GAS2: variants seen among roughly 807,000 people sequenced by gnomAD.
GAS2 encodes growth arrest-specific protein 2.
A neutral mutation model predicts 37.5 loss-of-function variants in GAS2; 20 were observed. The ratio of observed to expected loss-of-function variants is 0.53; its 90% CI spans 0.37 to 0.77. The LOEUF is 0.77. Among genes scored for constraint, GAS2 ranks in the 30% least tolerant of loss-of-function variants. The probability of loss-of-function intolerance (pLI) is 0.00; values close to 1 mark genes in which losing one functional copy is unlikely to be tolerated. For missense variants in GAS2, 336 were observed against 373.4 expected, an observed-to-expected ratio of 0.90 and a Z score of 0.82; for synonymous variants, 144 against 132.2, an observed-to-expected ratio of 1.09 and a Z score of -0.61.
At chr11:22,774,166 G>T (rs1855134742) in intron 7 of GAS2, among the ~76,000 whole-genome samples, 1 of 152,024 alleles carries the variant, frequency 6.6e-6, no homozygotes, top group South Asian at 2.1e-4. Context: ...GCTAATTTTT[G>T]TATTTTTAGT....
chr11:22,768,510 A>T (rs776310760), intron 7 of GAS2, among the ~76,000 whole-genome samples: 3 of 152,194 alleles, frequency 2.0e-5, no homozygotes, highest in Non-Finnish European at 2.9e-5. Flanking sequence ...AATTATGGAA[A>T]ACTGCCTTCT....
intron 2 of GAS2, 63 bp from the exon 3 acceptor site, chr11:22,685,605 T>A: frequency 6.5e-7 from 1 of 1,544,526 alleles, no homozygotes. Flanking sequence ...GTGTCAAATA[T>A]TTTATTTAGT....
intron 4 of GAS2, among the ~76,000 whole-genome samples, chr11:22,733,648 C>T (rs1370251463): frequency 6.6e-6 from 1 of 151,634 alleles, no homozygotes; most frequent in Non-Finnish European, 1.5e-5. Flanking sequence ...TTCCATTTGA[C>T]ATTTGATGCC....
At chr11:22,659,371 T>C (rs12294073) in intron 1 of GAS2, among the ~76,000 whole-genome samples, 36,723 of 152,104 alleles carry the variant, frequency 0.24, 5,842 homozygotes, top group African/African-American at 0.44. Context: ...GCACTTTCAG[T>C]CTCCTGGCTA....
intron 7 of GAS2, among the ~76,000 whole-genome samples, chr11:22,789,548 A>G (rs1421482152): frequency 1.5e-5 from 2 of 130,040 alleles, no homozygotes; most frequent in South Asian, 2.5e-4. Flanking sequence ...TGCAAGCTCC[A>G]CCTACCGGGT....
At position 22,812,200 on chromosome 11, in the gene GAS2, A is replaced by G; in HGVS notation, c.*184A>G. The stretch of plus-strand genomic sequence containing the variant: ...TTAATGCTTCTGTAGAATATGACCT[A>G]TTAAAAGAAAATCTAAACTCAAATT... On this transcript the variant is annotated 3_prime_UTR_variant, in exon 8 of 8. Transcript: ENST00000454584. 2 of 534,120 alleles carry G rather than the reference A, an allele frequency of 3.7e-6. No homozygotes were observed. Among genetic ancestry groups the G allele is most frequent in the Admixed American group, 3.5e-5 (1 of 28,522 alleles). The allele number at this position is 534,120 out of a possible 1,614,324, so 33.1% of individuals were successfully genotyped here. A position where few individuals can be genotyped will look rare whatever the true frequency, so the allele number is the denominator to read the frequency against.
chr11:22,693,858 G>A lies in GAS2; in HGVS notation c.267+8069G>A, dbSNP rs149712310. Among the ~76,000 whole-genome samples the A allele has an allele frequency of 4.3e-3, 650 of 152,206 alleles. 4 individuals carry two copies. Among genetic ancestry groups the A allele is most frequent in the Non-Finnish European group, 4.2e-3 (289 of 68,002 alleles). On this transcript the variant is annotated intron_variant, in intron 3 of 7. Coordinates refer to ENST00000454584, the MANE Select transcript of GAS2 (RefSeq NM_001143830.3). The stretch of plus-strand genomic sequence containing the variant: ...TCAGTGAGCTCTGGGTCTATAATTT[G>A]GCTCTAGTCTGGGAATTGGGCAATC...
chr11:22,715,849 C>A (rs1565105438), intron 3 of GAS2, among the ~76,000 whole-genome samples: 1 of 151,878 alleles, frequency 6.6e-6, no homozygotes, highest in Non-Finnish European at 1.5e-5. Context: ...TTCTATTAAT[C>A]AAGTATTACC....
chr11:22,788,083 C>T (rs572243327), intron 7 of GAS2, among the ~76,000 whole-genome samples: 1 of 152,214 alleles, frequency 6.6e-6, no homozygotes, highest in South Asian at 2.1e-4. Flanking sequence ...AGATATGCTG[C>T]TCTGCAAGTA....
intron 1 of GAS2, among the ~76,000 whole-genome samples, chr11:22,633,035 C>T (rs1173461274): frequency 6.6e-6 from 1 of 151,842 alleles, no homozygotes; most frequent in Non-Finnish European, 1.5e-5. Context: ...AATAATCAAC[C>T]TCTTGAACTC....
intron 3 of GAS2, among the ~76,000 whole-genome samples, chr11:22,699,393 A>C (rs1214422222): frequency 2.6e-5 from 4 of 152,128 alleles, no homozygotes; most frequent in Non-Finnish European, 5.9e-5. Flanking sequence ...TTTAAATCTG[A>C]AATTATTGGA....
chr11:22,664,146 A>C (rs1320746195), upstream of GAS2, among the ~76,000 whole-genome samples: 1 of 152,014 alleles, frequency 6.6e-6, no homozygotes, highest in East Asian at 1.9e-4. Flanking sequence ...TCACTTCTGG[A>C]AATTTATTTT....
chr11:22,685,066 G>A (rs1237289624), intron 2 of GAS2, among the ~76,000 whole-genome samples: 2 of 152,122 alleles, frequency 1.3e-5, no homozygotes, highest in Admixed American at 6.5e-5. Context: ...TTTGGAGGCC[G>A]AGGCTGGAGG....
intron 3 of GAS2, among the ~76,000 whole-genome samples, chr11:22,697,820 T>C (rs868607940): frequency 5.3e-5 from 8 of 152,112 alleles, no homozygotes; most frequent in East Asian, 1.9e-4. Context: ...GCTGAAGTTG[T>C]TTATCAGCTT....
intron 7 of GAS2, among the ~76,000 whole-genome samples, chr11:22,811,163 C>T (rs1857141624): frequency 6.6e-6 from 1 of 151,998 alleles, no homozygotes; most frequent in South Asian, 2.1e-4. Context: ...CTAGATGGCT[C>T]CTGGGCCTAG....
At chr11:22,745,048 C>A (rs953788799) in intron 5 of GAS2, among the ~76,000 whole-genome samples, 2 of 145,760 alleles carry the variant, frequency 1.4e-5, no homozygotes, top group Non-Finnish European at 3.0e-5. Context: ...AATTCCACAC[C>A]ATTTCTATCA....
chr11:22,638,307 A>G (rs1418536232), intron 1 of GAS2, among the ~76,000 whole-genome samples: 1 of 151,822 alleles, frequency 6.6e-6, no homozygotes, highest in East Asian at 1.9e-4. Context: ...AGTTGATTTC[A>G]TTCTCTACAT....
chr11:22,654,946 G>A (rs1848838822), intron 1 of GAS2, among the ~76,000 whole-genome samples: 1 of 152,118 alleles, frequency 6.6e-6, no homozygotes, highest in African/African-American at 2.4e-5. Flanking sequence ...AGTGTGCGAT[G>A]CTTAAACCTG....
upstream of GAS2, among the ~76,000 whole-genome samples, chr11:22,661,762 A>G (rs1402904404): frequency 6.6e-6 from 1 of 152,186 alleles, no homozygotes; most frequent in Non-Finnish European, 1.5e-5. Context: ...ATATATAAAC[A>G]TATCTGTTTC....
Sources: allele counts gnomAD v4.1 joint callset (sites outside exome capture counted in the v4.1 genomes callset), GRCh38; gene constraint gnomAD v4.1.1; transcripts MANE v1.5; gene names NCBI Gene and HGNC (gene_info 2026-07-23, HGNC 2026-07-21).